Variants in KCNA6 observed in about 807,000 individuals in gnomAD.
KCNA6 encodes potassium voltage-gated channel subfamily A member 6.
KCNA6 carries 17 observed loss-of-function variants against 29.5 expected under a neutral mutation model. That is an observed-to-expected ratio of 0.58 (90% CI 0.39 to 0.86). KCNA6 has a LOEUF of 0.86. Among genes scored for constraint, KCNA6 ranks in the 40% least tolerant of loss-of-function variants. The pLI is 0.00. For synonymous variants in KCNA6, 296 were observed against 304.7 expected (o/e 0.97, Z 0.30); for missense variants, 450 against 703.4 (o/e 0.64, Z 4.07).
chr12:4,833,787 T>G, the KCNA6 span, among the ~76,000 whole-genome samples: 60,435 of 152,030 alleles, frequency 0.4, 12,603 homozygotes, highest in Middle Eastern at 0.53. Flanking sequence ...TTCCTTAGGC[T>G]GTGGTTAGGG....
At chr12:4,844,157 C>G in the KCNA6 span, among the ~76,000 whole-genome samples, 1 of 152,236 alleles carries the variant, frequency 6.6e-6, no homozygotes, top group Admixed American at 6.5e-5. This position sits in a 1 kb window ranked among gnomAD's most constrained non-coding sequence, Gnocchi z 4.0. Context: ...GTGCCAGTCA[C>G]TCTGTTCTAA....
At chr12:4,829,276 C>T in the KCNA6 span, among the ~76,000 whole-genome samples, 1 of 152,118 alleles carries the variant, frequency 6.6e-6, no homozygotes, top group Non-Finnish European at 1.5e-5. Flanking sequence ...CCCCATCCCC[C>T]CAAAGCATGT....
rs1319650499 is a variant in KCNA6, at chr12:4,810,617, C to T, written c.576C>T (p.Cys192=). 6.2e-7 allele frequency: 1 copy of T among 1,614,160 alleles called. No individual in the cohort carries two copies. The highest frequency in any genetic ancestry group is 1.1e-5 in the South Asian group (1 of 91,070). The change falls in exon 1 of 1, where the codon TGC becomes TGT. Residue 192 remains cysteine (C), a synonymous_variant. Coordinates refer to ENST00000280684, the Ensembl canonical transcript of KCNA6. This position sits in a 1 kb window ranked among gnomAD's most constrained non-coding sequence, Gnocchi z 7.5. The stretch of plus-strand genomic sequence containing the variant: ...TTCTCATCTCCATAGTCATCTTTTG[C>T]CTGGAGACCTTACCCCAGTTCCGTG...
chr12:4,832,433 T>TCACATCTGAGGTTATGGGG, the KCNA6 span, among the ~76,000 whole-genome samples: 146 of 152,288 alleles, frequency 9.6e-4, 1 homozygote, highest in South Asian at 0.029. Context: ...TCAGGCCTGG[T>TCACATCTGAGGTTATGGGG]CACATCTGAG....
At chr12:4,819,639 G>A in the KCNA6 span, among the ~76,000 whole-genome samples, 9 of 152,164 alleles carry the variant, frequency 5.9e-5, no homozygotes, top group African/African-American at 2.2e-4. Flanking sequence ...GTCTTGGCAC[G>A]GGCCAGATTG....
chr12:4,821,418 ATGTGTGTGTGTGTG>A, the KCNA6 span, among the ~76,000 whole-genome samples: 3,572 of 143,504 alleles, frequency 0.025, 86 homozygotes, highest in East Asian at 0.098. Context: ...ACTCACTTGG[ATGTGTGTGTGTGTG>A]TGTGTGTGTG....
At chr12:4,850,262 G>A in the KCNA6 span, among the ~76,000 whole-genome samples, 1,798 of 151,254 alleles carry the variant, frequency 0.012, 44 homozygotes, top group African/African-American at 0.042. This position sits in a 1 kb window ranked among gnomAD's most constrained non-coding sequence, Gnocchi z 5.4. Context: ...AGGGAGAGAG[G>A]AACGCGCCTG....
the KCNA6 span, among the ~76,000 whole-genome samples, chr12:4,840,643 A>G: frequency 6.6e-6 from 1 of 152,234 alleles, no homozygotes; most frequent in African/African-American, 2.4e-5. Context: ...CTTGGGAAAC[A>G]TCTGTTGAGC....
chr12:4,810,029 C>A lies in KCNA6; in HGVS notation c.-13C>A. 6.7e-7 allele frequency: 1 copy of A among 1,493,450 alleles called. No homozygotes were observed. Among genetic ancestry groups the A allele is most frequent in the Non-Finnish European group, 8.9e-7 (1 of 1,128,798 alleles). The allele number at this position is 1,493,450 out of a possible 1,614,324, so 92.5% of individuals were successfully genotyped here. Reference sequence around the variant, plus strand: ...CGCCGTCCTAGTGGCGGGGAGCGCACCTCCGAGGGGGCATGAGATCGGAGA... The same window carrying A: ...CGCCGTCCTAGTGGCGGGGAGCGCAACTCCGAGGGGGCATGAGATCGGAGA... On this transcript the variant is annotated 5_prime_UTR_variant, in exon 1 of 1. Transcript: ENST00000280684. The surrounding 1 kb of genome is among the most constrained non-coding windows in gnomAD (Gnocchi z 7.5).
At chr12:4,841,149 T>A in the KCNA6 span, among the ~76,000 whole-genome samples, 1 of 152,200 alleles carries the variant, frequency 6.6e-6, no homozygotes, top group Non-Finnish European at 1.5e-5. Flanking sequence ...CAACATTGGA[T>A]GTTCAAATTT....
the KCNA6 span, among the ~76,000 whole-genome samples, chr12:4,830,909 G>A: frequency 6.6e-6 from 1 of 152,210 alleles, no homozygotes; most frequent in Non-Finnish European, 1.5e-5. Flanking sequence ...CAACTGAGAC[G>A]AAGCCACCCC....
the KCNA6 span, among the ~76,000 whole-genome samples, chr12:4,844,258 G>A: frequency 5.9e-5 from 9 of 152,148 alleles, no homozygotes; most frequent in African/African-American, 2.2e-4. This position sits in a 1 kb window ranked among gnomAD's most constrained non-coding sequence, Gnocchi z 4.0. Context: ...GGGAGAATAA[G>A]CAAATGTTTA....
At chr12:4,835,944 T>G in the KCNA6 span, among the ~76,000 whole-genome samples, 15,056 of 148,174 alleles carry the variant, frequency 0.1, 848 homozygotes, top group East Asian at 0.22. Context: ...GTTTTTTTTT[T>G]TTTTTTTTTT....
chr12:4,831,022 C>A, the KCNA6 span, among the ~76,000 whole-genome samples: 1 of 152,220 alleles, frequency 6.6e-6, no homozygotes, highest in East Asian at 1.9e-4. Context: ...GCAGGGTCCT[C>A]AGTGACTTTT....
the KCNA6 span, among the ~76,000 whole-genome samples, chr12:4,840,195 TTATCTATCTATC>T: frequency 0.011 from 1,667 of 150,220 alleles, 28 homozygotes; most frequent in African/African-American, 0.026. Context: ...ATGATGATTA[TTATCTATCTATC>T]TATCTATCTA....
the KCNA6 span, chr12:4,850,717 G>A: frequency 2.4e-6 from 1 of 416,896 alleles, no homozygotes; most frequent in South Asian, 1.6e-5. The surrounding 1 kb of genome is among the most constrained non-coding windows in gnomAD (Gnocchi z 5.4). Flanking sequence ...ATGTCCTTTT[G>A]TTCTGGTTCC....
the KCNA6 span, among the ~76,000 whole-genome samples, chr12:4,840,082 G>A: frequency 6.6e-6 from 1 of 152,110 alleles, no homozygotes; most frequent in Non-Finnish European, 1.5e-5. Context: ...GAAAAGAAAT[G>A]ATAAACTCTA....
the KCNA6 span, among the ~76,000 whole-genome samples, chr12:4,828,616 C>G: frequency 3.3e-5 from 5 of 152,228 alleles, no homozygotes; most frequent in African/African-American, 1.2e-4. Context: ...CACATAGCAT[C>G]TTGTTTGCCA....
At chr12:4,834,315 G>A in the KCNA6 span, among the ~76,000 whole-genome samples, 39 of 152,180 alleles carry the variant, frequency 2.6e-4, no homozygotes, top group African/African-American at 8.0e-4. Context: ...GTAGTGAGGG[G>A]TGACAGCTGG....
Sources: gnomAD v4.1 joint callset for allele counts (sites outside exome capture counted in the v4.1 genomes callset) on GRCh38, gnomAD v4.1.1 for gene constraint, Gnocchi (gnomAD v3.1) non-coding constraint, MANE v1.5 for transcripts, NCBI Gene and HGNC (gene_info 2026-07-23, HGNC 2026-07-21) for gene names.